RCOR3: variants seen among roughly 807,000 people sequenced by gnomAD.
RCOR3 encodes REST corepressor 3.
A neutral mutation model predicts 64.1 loss-of-function variants in RCOR3; 13 were observed. That is an observed-to-expected ratio of 0.20 (90% CI 0.13 to 0.32). RCOR3 has a LOEUF of 0.32. Ranked by LOEUF, RCOR3 falls within the 10% of genes least tolerant of loss-of-function variation. The pLI is 1.00. For synonymous variants in RCOR3, 215 were observed against 239.0 expected, an observed-to-expected ratio of 0.90 and a Z score of 0.93; for missense variants, 489 against 701.2, an observed-to-expected ratio of 0.70 and a Z score of 3.42.
At chr1:211,304,235 C>A in intron 10 of RCOR3, 95 bp downstream of exon 10, 4 of 837,868 alleles carry the variant, frequency 4.8e-6, no homozygotes, top group South Asian at 2.3e-5. Context: ...AGAAATTGAT[C>A]AAGAAAGGGC....
intron 10 of RCOR3, among the ~76,000 whole-genome samples, chr1:211,310,219 C>T (rs1701343396): frequency 6.6e-6 from 1 of 152,124 alleles, no homozygotes; most frequent in African/African-American, 2.4e-5. Context: ...TTTGTCACAA[C>T]ACACTAGGGC....
At position 211,280,414 on chromosome 1, in the gene RCOR3, C is replaced by G. The variant is rs150667458; in HGVS notation, c.720+1098C>G. 3.0e-3 allele frequency among the ~76,000 whole-genome samples: 455 copies of G among 152,320 alleles called. 3 individuals carry two copies. Among genetic ancestry groups the G allele is most frequent in the African/African-American group, 0.01 (426 of 41,560 alleles). ...CTTTGAAGTCAGGGACTGAGTTATTCATTTGTATCCCCTAACACTTTGCAC... is the reference window on the plus strand; with the variant it reads ...CTTTGAAGTCAGGGACTGAGTTATTGATTTGTATCCCCTAACACTTTGCAC... On this transcript the variant is annotated intron_variant, in intron 7 of 11. Transcript: ENST00000419091.
intron 7 of RCOR3, among the ~76,000 whole-genome samples, chr1:211,288,513 A>T (rs12029158): frequency 2.2e-4 from 32 of 146,520 alleles, no homozygotes; most frequent in Non-Finnish European, 2.9e-4. Flanking sequence ...TTTTATAAAT[A>T]TATTTATAAT....
At chr1:211,270,251 C>T (rs551702058) in intron 2 of RCOR3, among the ~76,000 whole-genome samples, 6 of 151,862 alleles carry the variant, frequency 4.0e-5, no homozygotes, top group African/African-American at 1.2e-4. Flanking sequence ...TTAGTAGAGA[C>T]GGGATTTCAC....
rs1038415009 is a variant in RCOR3 at position 211,313,196 on chromosome 1, G to A, written c.1318-228G>A. The A allele has an allele frequency of 7.0e-7, 1 of 1,433,584 alleles. No individual in the cohort carries two copies. The highest frequency in any genetic ancestry group is 2.9e-5 in the Admixed American group (1 of 34,266). The allele number at this position is 1,433,584 out of a possible 1,614,324, so 88.8% of individuals were successfully genotyped here. A position where few individuals can be genotyped will look rare whatever the true frequency, so the allele number is the denominator to read the frequency against. Reference sequence around the variant, plus strand: ...TCATAGTCTTATTTTTATTTTCAGTGTTAAGCTGTTTACAAATAAAGATGC... The same window carrying A: ...TCATAGTCTTATTTTTATTTTCAGTATTAAGCTGTTTACAAATAAAGATGC... On this transcript the variant is annotated intron_variant, in intron 11 of 11. Coordinates refer to ENST00000419091, the MANE Select transcript of RCOR3 (RefSeq NM_001136223.3). The surrounding 1 kb of genome is among the most constrained non-coding windows in gnomAD (Gnocchi z 4.7).
At position 211,313,786 on chromosome 1, in the gene RCOR3, G is replaced by A; in HGVS notation, c.*18G>A. The A allele has an allele frequency of 6.3e-7, 1 of 1,595,530 alleles. No homozygotes were observed. The highest frequency in any genetic ancestry group is 8.6e-7 in the Non-Finnish European group (1 of 1,164,144). On this transcript the variant is annotated 3_prime_UTR_variant, in exon 12 of 12. Coordinates refer to ENST00000419091, the MANE Select transcript of RCOR3 (RefSeq NM_001136223.3). This position sits in a 1 kb window ranked among gnomAD's most constrained non-coding sequence, Gnocchi z 4.7. ...TGCACTAAAAATTAAATTGGACACA[G>A]CTGCAGTAACTTTTCACCCCATCAT...
chr1:211,289,504 A>G, intron 8 of RCOR3, 108 bp downstream of exon 8: 2 of 832,056 alleles, frequency 2.4e-6, no homozygotes, highest in East Asian at 2.7e-5. Context: ...TCAGCCATCC[A>G]CTTATGCAGG....
chr1:211,278,317 AG>A (rs1697302891), intron 6 of RCOR3, 76 bp downstream of exon 6: 6 of 1,452,648 alleles, frequency 4.1e-6, no homozygotes, highest in Non-Finnish European at 5.7e-6. Context: ...AAGGCAGAAA[AG>A]TTATCACAAC....
intron 10 of RCOR3, among the ~76,000 whole-genome samples, 179 bp downstream of exon 10, chr1:211,304,319 A>T (rs894207242): frequency 6.6e-6 from 1 of 152,186 alleles, no homozygotes; most frequent in Non-Finnish European, 1.5e-5. Context: ...ACTCAAGTCT[A>T]TGTGCATTTT....
chr1:211,259,532 C>G lies in RCOR3; in HGVS notation c.-29C>G. ...CTTCACCCTGACGCCTGCCTCTTCC[C>G]CTCACCTTTCCCCCTCCCCTGTTCT... On this transcript the variant is annotated 5_prime_UTR_variant, in exon 1 of 12. Coordinates refer to ENST00000419091, the MANE Select transcript of RCOR3 (RefSeq NM_001136223.3). 6.5e-7 allele frequency: 1 copy of G among 1,539,326 alleles called. No individual in the cohort carries two copies. Among genetic ancestry groups the G allele is most frequent in the African/African-American group, 1.4e-5 (1 of 71,254 alleles).
At chr1:211,308,673 G>GTTTTTTTTTTTTTTTT (rs545513442) in intron 10 of RCOR3, among the ~76,000 whole-genome samples, 16 of 40,474 alleles carry the variant, frequency 4.0e-4, no homozygotes, top group African/African-American at 6.4e-4. Context: ...TTTTTTTTTT[G>GTTTTTTTTTTTTTTTT]TTTTTTTTTT....
chr1:211,312,507 G>A lies in RCOR3; in HGVS notation c.1076-213G>A, dbSNP rs1572028376. The stretch of plus-strand genomic sequence containing the variant: ...AAAATGGTAAGTTTCTGATTGTTCA[G>A]TTGAAGGCAAGTGGCTGGCTCGATG... On this transcript the variant is annotated intron_variant, in intron 10 of 11. Transcript: ENST00000419091. The surrounding 1 kb of genome is among the most constrained non-coding windows in gnomAD (Gnocchi z 5.0). The A allele has an allele frequency of 3.1e-6, 2 of 645,668 alleles. No individual in the cohort carries two copies. The highest frequency in any genetic ancestry group is 1.8e-5 in the African/African-American group (1 of 55,936). The allele number at this position is 645,668 out of a possible 1,614,324, so 40.0% of individuals were successfully genotyped here.
At chr1:211,309,870 A>C (rs1292404790) in intron 10 of RCOR3, among the ~76,000 whole-genome samples, 1 of 152,154 alleles carries the variant, frequency 6.6e-6, no homozygotes, top group African/African-American at 2.4e-5. Flanking sequence ...CTTTTAAAGG[A>C]GCAGTCTCAT....
rs562066627 is a variant in RCOR3, at chr1:211,271,059, A to G, written c.224-173A>G. Among the ~76,000 whole-genome samples, 220 of 152,214 alleles carry G rather than the reference A, an allele frequency of 1.4e-3. 1 individual carries two copies. Among genetic ancestry groups the G allele is most frequent in the Admixed American group, 2.6e-3 (40 of 15,284 alleles). ...TTTTTAGTAGAGACGGGGTTTCACC[A>G]TGTTAGCCAGGATGGTCTCGATCTC... On this transcript the variant is annotated intron_variant, in intron 2 of 11. Coordinates refer to ENST00000419091, the MANE Select transcript of RCOR3 (RefSeq NM_001136223.3).
At chr1:211,288,254 ATCT>A (rs372749912) in intron 7 of RCOR3, among the ~76,000 whole-genome samples, 1 of 152,010 alleles carries the variant, frequency 6.6e-6, no homozygotes, top group African/African-American at 2.4e-5. Flanking sequence ...CATTGAAATA[ATCT>A]TCAACCTAAA....
chr1:211,276,466 A>C lies in RCOR3; in HGVS notation c.516+48A>C, dbSNP rs1166931955. 2.0e-6 allele frequency: 3 copies of C among 1,493,678 alleles called. No individual in the cohort carries two copies. The African/African-American group carries it at 4.2e-5, about 21-fold the overall frequency. 92.5% of individuals were successfully genotyped at this position (1,493,678 alleles called of 1,614,324 possible). On this transcript the variant is annotated intron_variant, in intron 5 of 11. Coordinates refer to ENST00000419091, the MANE Select transcript of RCOR3 (RefSeq NM_001136223.3). ...GTGGTTCATATGTGAATGATATCTT[A>C]AGCTACTATTAAACACTTCCTAATT...
intron 8 of RCOR3, among the ~76,000 whole-genome samples, chr1:211,294,988 C>G (rs1324986413): frequency 6.6e-6 from 1 of 151,966 alleles, no homozygotes; most frequent in Non-Finnish European, 1.5e-5. Flanking sequence ...AGCAATCCTC[C>G]CACCTCAGCC....
intron 10 of RCOR3, among the ~76,000 whole-genome samples, chr1:211,307,234 A>G (rs1369323442): frequency 1.3e-5 from 2 of 152,202 alleles, no homozygotes; most frequent in African/African-American, 2.4e-5. Context: ...CACGCCTGTA[A>G]TCCTAGCACT....
chr1:211,259,969 T>C (rs1571734231), intron 1 of RCOR3, 139 bp from the exon 2 acceptor site: 2 of 1,108,068 alleles, frequency 1.8e-6, no homozygotes, highest in East Asian at 1.1e-4. Flanking sequence ...TCTCCCGGAG[T>C]GCCCCGAGTT....
Sources: gnomAD v4.1 joint callset for allele counts (sites outside exome capture counted in the v4.1 genomes callset) on GRCh38, gnomAD v4.1.1 for gene constraint, Gnocchi (gnomAD v3.1) non-coding constraint, MANE v1.5 for transcripts, NCBI Gene and HGNC (gene_info 2026-07-23, HGNC 2026-07-21) for gene names.